The following TBC1D22A variants were observed in gnomAD, a reference collection of about 807,000 sequenced individuals.
TBC1D22A encodes the protein putative GTPase activator.
Under a neutral mutation model 60.2 loss-of-function variants are expected in TBC1D22A, and 38 were observed. That is an observed-to-expected ratio of 0.63 (90% CI 0.49 to 0.83). The LOEUF (loss-of-function observed/expected upper bound fraction) is 0.83. Among genes scored for constraint, TBC1D22A ranks in the 40% least tolerant of loss-of-function variants. The pLI is 0.00. For missense variants in TBC1D22A, 628 were observed against 701.0 expected, an observed-to-expected ratio of 0.90 and a Z score of 1.18; for synonymous variants, 302 against 281.7, an observed-to-expected ratio of 1.07 and a Z score of -0.72.
intron 8 of TBC1D22A, among the ~76,000 whole-genome samples, chr22:46,962,892 A>T (rs1569278103): frequency 1.3e-5 from 2 of 151,922 alleles, no homozygotes; most frequent in African/African-American, 4.8e-5. Context: ...AGTTCCTAAA[A>T]TTTTTTTTGT....
chr22:46,875,427 G>A (rs1426687984), intron 4 of TBC1D22A, among the ~76,000 whole-genome samples: 1 of 152,106 alleles, frequency 6.6e-6, no homozygotes, highest in East Asian at 1.9e-4. Context: ...GACATGTTCT[G>A]TGTCTTGTCT....
rs112803976 is a variant in TBC1D22A at position 46,832,420 on chromosome 22, G to A, written c.637+34800G>A. 4.8e-3 allele frequency among the ~76,000 whole-genome samples: 735 copies of A among 152,378 alleles called. 3 individuals are homozygous for A. Among genetic ancestry groups the A allele is most frequent in the African/African-American group, 0.017 (709 of 41,596 alleles). Reference sequence around the variant, plus strand: ...AATCCCAGCACTTTGAGAGGCTGAAGTGAGTGGATCACGAGGTCAGGAGTT... The same window carrying A: ...AATCCCAGCACTTTGAGAGGCTGAAATGAGTGGATCACGAGGTCAGGAGTT... On this transcript the variant is annotated intron_variant, in intron 4 of 12. Transcript: ENST00000337137.
intron 11 of TBC1D22A, among the ~76,000 whole-genome samples, chr22:47,042,629 G>A (rs2062887718): frequency 6.6e-6 from 1 of 152,176 alleles, no homozygotes; most frequent in Non-Finnish European, 1.5e-5. Flanking sequence ...CCAGCCAGGG[G>A]CATGGGGCAG....
At chr22:47,165,548 A>G (rs573601579) in intron 12 of TBC1D22A, among the ~76,000 whole-genome samples, 1 of 148,484 alleles carries the variant, frequency 6.7e-6, no homozygotes, top group African/African-American at 2.6e-5. Flanking sequence ...GCCTGGCTCT[A>G]GAGCAGGCAT....
chr22:46,971,573 G>A (rs996768072), intron 8 of TBC1D22A, among the ~76,000 whole-genome samples: 2 of 152,156 alleles, frequency 1.3e-5, no homozygotes, highest in Non-Finnish European at 2.9e-5. Flanking sequence ...GATGCCAGGG[G>A]GAGGCCACTT....
chr22:47,056,535 C>T (rs2063399494), intron 11 of TBC1D22A, among the ~76,000 whole-genome samples: 1 of 152,150 alleles, frequency 6.6e-6, no homozygotes, highest in Non-Finnish European at 1.5e-5. Flanking sequence ...GTCACCAACT[C>T]CTCCCTCAGA....
In TBC1D22A at chr22:47,044,244, G is replaced by C. The variant is rs182619382; in HGVS notation, c.1329+7046G>C. Among the ~76,000 whole-genome samples the C allele has an allele frequency of 3.6e-3, 555 of 152,328 alleles. 4 individuals are homozygous for C. The highest frequency in any genetic ancestry group is 0.012 in the African/African-American group (485 of 41,562). On this transcript the variant is annotated intron_variant, in intron 11 of 12. Transcript: ENST00000337137. ...CCTCCCTCTGGCCCCTTTTGCTAGA[G>C]ATTTATGCTGGATGTAAACGATTAC...
intron 10 of TBC1D22A, among the ~76,000 whole-genome samples, chr22:47,021,282 G>A (rs1427946982): frequency 7.1e-6 from 1 of 141,264 alleles, no homozygotes. Flanking sequence ...CCCACCTGTA[G>A]CCTGGAGCCC....
At chr22:47,046,922 C>T (rs1342733659) in intron 11 of TBC1D22A, among the ~76,000 whole-genome samples, 1 of 152,188 alleles carries the variant, frequency 6.6e-6, no homozygotes, top group Non-Finnish European at 1.5e-5. Context: ...GAAAGGCTGG[C>T]GGGTCTGCCC....
chr22:46,786,843 C>T (rs1356601703), intron 1 of TBC1D22A, among the ~76,000 whole-genome samples: 3 of 152,052 alleles, frequency 2.0e-5, no homozygotes, highest in South Asian at 2.1e-4. Context: ...TGTGTGCCAC[C>T]ATGCCCACTA....
At chr22:46,804,204 C>T (rs933787111) in intron 4 of TBC1D22A, among the ~76,000 whole-genome samples, 9 of 152,232 alleles carry the variant, frequency 5.9e-5, no homozygotes, top group Non-Finnish European at 1.0e-4. Flanking sequence ...AGCTTGCCCC[C>T]GGCCTTGGCC....
At chr22:46,877,566 T>G (rs1448156560) in intron 4 of TBC1D22A, among the ~76,000 whole-genome samples, 1 of 152,234 alleles carries the variant, frequency 6.6e-6, no homozygotes, top group Non-Finnish European at 1.5e-5. Flanking sequence ...TGCTGTAAAA[T>G]GCAAGTTATT....
chr22:46,809,626 T>C (rs1243316563), intron 4 of TBC1D22A, among the ~76,000 whole-genome samples: 2 of 152,116 alleles, frequency 1.3e-5, no homozygotes, highest in Admixed American at 1.3e-4. Flanking sequence ...CCATGGGCTT[T>C]GGGGTGGCGC....
chr22:46,952,208 T>G (rs2072947252), intron 8 of TBC1D22A, among the ~76,000 whole-genome samples: 1 of 152,200 alleles, frequency 6.6e-6, no homozygotes, highest in African/African-American at 2.4e-5. Context: ...AGCATTTTCC[T>G]CCCAGGCTCC....
chr22:46,870,916 A>G (rs770913682), intron 4 of TBC1D22A, among the ~76,000 whole-genome samples: 32 of 152,252 alleles, frequency 2.1e-4, no homozygotes, highest in Non-Finnish European at 4.1e-4. Flanking sequence ...ACTGGGGATT[A>G]ACTTTCCAAC....
At position 47,021,005 on chromosome 22, in the gene TBC1D22A, C is replaced by G. The variant is rs147182754; in HGVS notation, c.1202-16066C>G. ...GCCTCCAGCCCACAGCTGGCTCAGTCCTGTAGCTGCCAAGGAGTGAATCCT... is the reference window on the plus strand; with the variant it reads ...GCCTCCAGCCCACAGCTGGCTCAGTGCTGTAGCTGCCAAGGAGTGAATCCT... On this transcript the variant is annotated intron_variant, in intron 10 of 12. Coordinates refer to ENST00000337137, the MANE Select transcript of TBC1D22A (RefSeq NM_014346.5). Among the ~76,000 whole-genome samples the G allele has an allele frequency of 3.5e-4, 54 of 152,342 alleles. No individual in the cohort carries two copies. The East Asian group carries it at 9.3e-3, about 26-fold the overall frequency.
chr22:46,892,830 G>A lies in TBC1D22A; in HGVS notation c.837+1436G>A, dbSNP rs147318429. On this transcript the variant is annotated intron_variant, in intron 6 of 12. Coordinates refer to ENST00000337137, the MANE Select transcript of TBC1D22A (RefSeq NM_014346.5). ...ACATCTTTATTTAGTTACTGTGATA[G>A]GTAATAAAAAGGTTCCAGATTATTG... Among the ~76,000 whole-genome samples the A allele has an allele frequency of 9.8e-5, 15 of 152,304 alleles. No homozygotes were observed. In the East Asian group the frequency reaches 2.9e-3, roughly 29 times the overall value.
chr22:47,037,101 A>G lies in TBC1D22A; in HGVS notation c.1232A>G (p.Glu411Gly). 1 of 1,613,910 alleles carries G rather than the reference A, an allele frequency of 6.2e-7. No individual in the cohort carries two copies. Among genetic ancestry groups the G allele is most frequent in the African/African-American group, 1.3e-5 (1 of 75,048 alleles). Residue 411 changes from glutamate (E) to glycine (G), a missense_variant, in exon 11 of 13, where the codon GAA (glutamate) becomes GGA (glycine). Coordinates refer to ENST00000337137, the MANE Select transcript of TBC1D22A (RefSeq NM_014346.5). ...EQVHRHLDQH[E>G]VRYLQFAFRW... ...GTGCACCGGCACCTGGACCAACACG[A>G]AGTGAGATACCTGCAGTTTGCCTTC...
chr22:47,068,727 G>A (rs915661743), intron 11 of TBC1D22A, among the ~76,000 whole-genome samples: 3 of 152,170 alleles, frequency 2.0e-5, no homozygotes, highest in South Asian at 2.1e-4. Flanking sequence ...ACAATTTCAC[G>A]CCGAAATCTC....
Sources: gnomAD v4.1 joint callset for allele counts (sites outside exome capture counted in the v4.1 genomes callset) on GRCh38, gnomAD v4.1.1 for gene constraint, MANE v1.5 for transcripts, NCBI Gene and HGNC (gene_info 2026-07-23, HGNC 2026-07-21) for gene names.